Variants in ZNF710 observed in about 807,000 individuals in gnomAD.
ZNF710 encodes zinc finger protein 710.
Under a neutral mutation model 50.6 loss-of-function variants are expected in ZNF710, and 13 were observed. The ratio of observed to expected loss-of-function variants is 0.26; its 90% confidence interval spans 0.17 to 0.41. The LOEUF (loss-of-function observed/expected upper bound fraction) is 0.41, where lower values mean the gene tolerates loss of function less well. Among genes scored for constraint, ZNF710 ranks in the 10% least tolerant of loss-of-function variants. The pLI is 1.00. For missense variants in ZNF710, 721 were observed against 936.6 expected, an observed-to-expected ratio of 0.77 and a Z score of 3.01; for synonymous variants, 383 against 397.0, an observed-to-expected ratio of 0.96 and a Z score of 0.42.
chr15:90,020,087 G>A (rs916118396), intron 1 of ZNF710, among the ~76,000 whole-genome samples: 5 of 152,132 alleles, frequency 3.3e-5, no homozygotes, highest in African/African-American at 1.2e-4. Context: ...ACTTGGTGTG[G>A]GGAACAGAGG....
At chr15:90,047,595 T>C (rs1316936425) in intron 1 of ZNF710, among the ~76,000 whole-genome samples, 1 of 150,808 alleles carries the variant, frequency 6.6e-6, no homozygotes, top group Non-Finnish European at 1.5e-5. Flanking sequence ...TTTTTCTTTT[T>C]TTTTTTTTGA....
intron 1 of ZNF710, among the ~76,000 whole-genome samples, chr15:90,036,237 C>T (rs1381256231): frequency 8.0e-6 from 1 of 125,630 alleles, no homozygotes; most frequent in Non-Finnish European, 1.6e-5. Context: ...GCCGCCCGCC[C>T]CCCACCCCCT....
At position 90,035,905 on chromosome 15, in the gene ZNF710, G is replaced by T. The variant is rs190322404; in HGVS notation, c.-28-31205G>T. On this transcript the variant is annotated intron_variant, in intron 1 of 4. Transcript: ENST00000268154. ...CAAATGTGAGCCCTTCCTTCTACAC[G>T]TGGGGCCCCAGGCAGTGGCACCATT... Among the ~76,000 whole-genome samples the T allele has an allele frequency of 1.2e-4, 19 of 152,286 alleles. No individual in the cohort carries two copies. The South Asian group carries it at 1.7e-3, about 13-fold the overall frequency.
chr15:90,006,011 A>T (rs1898132480), intron 1 of ZNF710, among the ~76,000 whole-genome samples: 1 of 152,112 alleles, frequency 6.6e-6, no homozygotes, highest in Admixed American at 6.5e-5. Flanking sequence ...TGCCCATGCC[A>T]AAGAGTTGGG....
intron 1 of ZNF710, among the ~76,000 whole-genome samples, chr15:90,027,538 T>A (rs1052134271): frequency 9.2e-5 from 14 of 152,054 alleles, no homozygotes; most frequent in African/African-American, 3.4e-4. Flanking sequence ...CAAGATCCTA[T>A]ATATAGATTA....
intron 1 of ZNF710, chr15:90,025,399 A>G (rs924879137): frequency 1.3e-5 from 2 of 152,110 alleles, no homozygotes; most frequent in African/African-American, 4.8e-5. Context: ...AAAATAGTCA[A>G]CCTTATGGTT....
At chr15:90,007,745 G>C (rs1257911842) in intron 1 of ZNF710, among the ~76,000 whole-genome samples, 1 of 151,306 alleles carries the variant, frequency 6.6e-6, no homozygotes, top group Non-Finnish European at 1.5e-5. Flanking sequence ...GCCTACCCTA[G>C]TAACAGGGCA....
chr15:90,078,985 A>G (rs75167657), intron 4 of ZNF710, among the ~76,000 whole-genome samples: 2 of 152,194 alleles, frequency 1.3e-5, no homozygotes, highest in African/African-American at 4.8e-5. Flanking sequence ...TGCCTGACAT[A>G]TCTTTATGAA....
chr15:90,002,103 T>A (rs981942404), intron 1 of ZNF710, among the ~76,000 whole-genome samples: 4 of 150,174 alleles, frequency 2.7e-5, no homozygotes, highest in Non-Finnish European at 5.9e-5. Flanking sequence ...GTCCCGGTGC[T>A]GGGTGCGCTC....
intron 1 of ZNF710, among the ~76,000 whole-genome samples, chr15:90,055,555 C>G (rs1405849632): frequency 6.6e-6 from 1 of 152,138 alleles, no homozygotes; most frequent in East Asian, 1.9e-4. Flanking sequence ...ATGTCGTGAC[C>G]GATTGGTACA....
chr15:90,006,569 A>G (rs1402521352), intron 1 of ZNF710, among the ~76,000 whole-genome samples: 1 of 152,216 alleles, frequency 6.6e-6, no homozygotes, highest in African/African-American at 2.4e-5. Flanking sequence ...AAATGCTTCA[A>G]AGGAAAAAGT....
intron 1 of ZNF710, among the ~76,000 whole-genome samples, chr15:90,036,046 C>T (rs989320531): frequency 2.0e-5 from 3 of 152,170 alleles, no homozygotes; most frequent in Non-Finnish European, 4.4e-5. Flanking sequence ...CATCCTGAGA[C>T]GCACTCGCCC....
intron 1 of ZNF710, among the ~76,000 whole-genome samples, chr15:90,008,749 C>G (rs1596262309): frequency 6.6e-6 from 1 of 151,196 alleles, no homozygotes; most frequent in East Asian, 1.9e-4. Context: ...TCAGTGTACT[C>G]CAGCCTGAAA....
At chr15:90,052,956 A>C (rs918078471) in intron 1 of ZNF710, among the ~76,000 whole-genome samples, 1 of 152,190 alleles carries the variant, frequency 6.6e-6, no homozygotes, top group Non-Finnish European at 1.5e-5. Context: ...TATTAAAATA[A>C]AATAAAATAA....
At chr15:90,065,184 G>C (rs1900126649) in intron 1 of ZNF710, among the ~76,000 whole-genome samples, 1 of 152,186 alleles carries the variant, frequency 6.6e-6, no homozygotes, top group Non-Finnish European at 1.5e-5. Flanking sequence ...TTCCTGTCTG[G>C]GGTATTTTTA....
intron 1 of ZNF710, among the ~76,000 whole-genome samples, chr15:90,044,354 C>T (rs1899393358): frequency 6.6e-6 from 1 of 152,220 alleles, no homozygotes; most frequent in South Asian, 2.1e-4. Flanking sequence ...CCCACTCTGG[C>T]GGAGCGTGGT....
chr15:90,001,093 AAGG>A (rs1464240689), upstream of ZNF710, among the ~76,000 whole-genome samples: 1 of 152,206 alleles, frequency 6.6e-6, no homozygotes, highest in Non-Finnish European at 1.5e-5. Context: ...AGAAATAAGA[AAGG>A]AGGAAGAAGG....
In ZNF710 at chr15:90,059,848, C is replaced by T. The variant is rs1018796866; in HGVS notation, c.-28-7262C>T. On this transcript the variant is annotated intron_variant, in intron 1 of 4. Coordinates refer to ENST00000268154, the MANE Select transcript of ZNF710 (RefSeq NM_198526.4). This position sits in a 1 kb window ranked among gnomAD's most constrained non-coding sequence, Gnocchi z 4.1. ...CTGGTTTCCTTAGGCGGTGAAATCCCGTGCATGTTTTTCACAGCGGGTGTA... is the reference window on the plus strand; with the variant it reads ...CTGGTTTCCTTAGGCGGTGAAATCCTGTGCATGTTTTTCACAGCGGGTGTA... Among the ~76,000 whole-genome samples the T allele has an allele frequency of 8.5e-5, 13 of 152,230 alleles. No homozygotes were observed. The highest frequency in any genetic ancestry group is 3.1e-4 in the African/African-American group (13 of 41,470).
chr15:90,073,970 A>G, intron 3 of ZNF710, 146 bp from the exon 4 acceptor site: 1 of 922,456 alleles, frequency 1.1e-6, no homozygotes, highest in Non-Finnish European at 1.5e-6. Context: ...AGCCTGGACA[A>G]CAGAGTGAGA....
Sources: gnomAD v4.1 joint callset for allele counts (sites outside exome capture counted in the v4.1 genomes callset) on GRCh38, gnomAD v4.1.1 for gene constraint, Gnocchi (gnomAD v3.1) non-coding constraint, MANE v1.5 for transcripts, NCBI Gene and HGNC (gene_info 2026-07-23, HGNC 2026-07-21) for gene names.